GRM2: variants seen among roughly 807,000 people sequenced by gnomAD.
GRM2 encodes glutamate metabotropic receptor 2, also known as metabotropic glutamate receptor 2.
Under a neutral mutation model 60.4 loss-of-function variants are expected in GRM2, and 35 were observed. That is an observed-to-expected ratio of 0.58 (90% CI 0.44 to 0.77). The LOEUF (loss-of-function observed/expected upper bound fraction) is 0.77. Among genes scored for constraint, GRM2 ranks in the 30% least tolerant of loss-of-function variants. The probability of loss-of-function intolerance (pLI) is 0.00; values close to 1 mark genes in which losing one functional copy is unlikely to be tolerated. For missense variants in GRM2, 925 were observed against 1,199.5 expected (o/e 0.77, Z 3.38); for synonymous variants, 437 against 484.1 (o/e 0.90, Z 1.28).
intron 3 of GRM2, 187 bp from the exon 4 acceptor site, chr3:51,714,875 C>A: frequency 2.1e-6 from 1 of 475,416 alleles, no homozygotes. Flanking sequence ...AGGAGTAAGA[C>A]TTTGTTGTCA....
At position 51,712,407 on chromosome 3, in the gene GRM2, G is replaced by T; in HGVS notation, c.451-66G>T. ...TTGACACCAAGACCTGCTAGCTGTG[G>T]GGGATGCACCTGTCTCTAGTGTTTG... On this transcript the variant is annotated intron_variant, in intron 2 of 5. Transcript: ENST00000395052. The surrounding 1 kb of genome is among the most constrained non-coding windows in gnomAD (Gnocchi z 5.3). The T allele has an allele frequency of 9.7e-7, 1 of 1,034,202 alleles. No homozygotes were observed. Among genetic ancestry groups the T allele is most frequent in the Non-Finnish European group, 1.5e-6 (1 of 672,918 alleles). The allele number at this position is 1,034,202 out of a possible 1,614,324, so 64.1% of individuals were successfully genotyped here.
In GRM2 at chr3:51,708,957, C is replaced by T. The variant is rs201568367; in HGVS notation, c.-27C>T. On this transcript the variant is annotated 5_prime_UTR_variant, in exon 2 of 6. Transcript: ENST00000395052. ...CTCATCCCCTGGAGACCCAGGTCTGCGGGACCCATCCATCCCCTTTGGGGC... is the reference window on the plus strand; with the variant it reads ...CTCATCCCCTGGAGACCCAGGTCTGTGGGACCCATCCATCCCCTTTGGGGC... The T allele has an allele frequency of 1.6e-4, 244 of 1,516,380 alleles. No homozygotes were observed. The African/African-American group carries it at 2.7e-3, about 17-fold the overall frequency. 93.9% of individuals were successfully genotyped at this position (1,516,380 alleles called of 1,614,324 possible).
rs2107123174 is a variant in GRM2, at chr3:51,716,621, A to G, written c.2364+484A>G. ...TGGTTCCAACTGGCACTGTGTCTCAATGGGTCTCCCCAGCTCCAAGGGGCA... is the reference window on the plus strand; with the variant it reads ...TGGTTCCAACTGGCACTGTGTCTCAGTGGGTCTCCCCAGCTCCAAGGGGCA... On this transcript the variant is annotated intron_variant, in intron 4 of 5. Transcript: ENST00000395052. This position sits in a 1 kb window ranked among gnomAD's most constrained non-coding sequence, Gnocchi z 4.0. Among the ~76,000 whole-genome samples the G allele has an allele frequency of 6.6e-6, 1 of 152,312 alleles. No individual in the cohort carries two copies. The highest frequency in any genetic ancestry group is 2.4e-5 in the African/African-American group (1 of 41,556).
In GRM2 at chr3:51,713,535, C is replaced by T. The variant is rs1382724820; in HGVS notation, c.1288+225C>T. 10 of 524,606 alleles carry T rather than the reference C, an allele frequency of 1.9e-5. No individual in the cohort carries two copies. Among genetic ancestry groups the T allele is most frequent in the South Asian group, 5.3e-5 (2 of 37,814 alleles). 32.5% of individuals were successfully genotyped at this position (524,606 alleles called of 1,614,324 possible). ...AGAGAGTAGACCTCTGGCCTGGTCC[C>T]GCCATTTTGAGGGTCTCTGGCTCCT... is the stretch of plus-strand genomic sequence containing the variant. On this transcript the variant is annotated intron_variant, in intron 3 of 5. Coordinates refer to ENST00000395052, the MANE Select transcript of GRM2 (RefSeq NM_000839.5). This position sits in a 1 kb window ranked among gnomAD's most constrained non-coding sequence, Gnocchi z 4.8.
In GRM2 at chr3:51,717,658, G is replaced by A. The variant is rs200496822; in HGVS notation, c.2386G>A (p.Val796Met). The A allele has an allele frequency of 5.9e-5, 95 of 1,613,556 alleles. No homozygotes were observed. The East Asian group carries it at 8.9e-4, about 15-fold the overall frequency. Residue 796 changes from valine to methionine, a missense_variant, in exon 5 of 6, where the codon GTG becomes ATG. Coordinates refer to ENST00000395052, the MANE Select transcript of GRM2 (RefSeq NM_000839.5). The surrounding 1 kb of genome is among the most constrained non-coding windows in gnomAD (Gnocchi z 6.0). ...DYRVQTTTMC[V>M]SVSLSGSVVL... The stretch of plus-strand genomic sequence containing the variant: ...GCAGGTACAGACCACCACCATGTGC[G>A]TGTCAGTCAGCCTCAGCGGCTCCGT...
At chr3:51,714,897 G>C (rs1486023424) in intron 3 of GRM2, 165 bp from the exon 4 acceptor site, 1 of 474,752 alleles carries the variant, frequency 2.1e-6, no homozygotes, top group Non-Finnish European at 3.8e-6. Context: ...CTCTCATTTA[G>C]AAAAATGATT....
chr3:51,712,829 C>G lies in GRM2; in HGVS notation c.807C>G (p.Phe269Leu). ...CCAGTGCCCGCGTGGCTGTCCTGTTCACCCGTTCTGAGGATGCCCGGGAGC... is the reference window on the plus strand; with the variant it reads ...CCAGTGCCCGCGTGGCTGTCCTGTTGACCCGTTCTGAGGATGCCCGGGAGC... Reference protein sequence around the residue: ...QKPSARVAVLFTRSEDARELL... With the variant: ...QKPSARVAVLLTRSEDARELL... The change falls in exon 3 of 6, where the codon TTC becomes TTG. Residue 269 changes from phenylalanine (F) to leucine (L), a missense_variant. Coordinates refer to ENST00000395052, the MANE Select transcript of GRM2 (RefSeq NM_000839.5). This position sits in a 1 kb window ranked among gnomAD's most constrained non-coding sequence, Gnocchi z 5.3. 2 of 1,612,946 alleles carry G rather than the reference C, an allele frequency of 1.2e-6. No homozygotes were observed. The highest frequency in any genetic ancestry group is 1.7e-6 in the Non-Finnish European group (2 of 1,180,034).
In GRM2 at chr3:51,715,060, A is replaced by C. The variant is rs1447881397; in HGVS notation, c.1289-2A>C. The C allele has an allele frequency of 2.6e-6, 4 of 1,528,072 alleles. No homozygotes were observed. The highest frequency in any genetic ancestry group is 3.5e-6 in the Non-Finnish European group (4 of 1,127,316). 94.7% of individuals were successfully genotyped at this position (1,528,072 alleles called of 1,614,324 possible). ...TTCTCTTCCTTCCCTCCCCCATCCT[A>C]GCCCCCTTTCGCCCAGCTGACACCC... On this transcript the variant is annotated splice_acceptor_variant, in intron 3 of 5. Coordinates refer to ENST00000395052, the MANE Select transcript of GRM2 (RefSeq NM_000839.5). LOFTEE classifies it high-confidence loss of function. The surrounding 1 kb of genome is among the most constrained non-coding windows in gnomAD (Gnocchi z 9.0).
Position 51,715,650 on chromosome 3 carries a change from A to G in GRM2, c.1877A>G (p.Lys626Arg). Residue 626 changes from lysine to arginine, a missense_variant, in exon 4 of 6, where the codon AAG becomes AGG. Lys to Arg is a conservative substitution (Grantham distance 26). Coordinates refer to ENST00000395052, the MANE Select transcript of GRM2 (RefSeq NM_000839.5). The surrounding 1 kb of genome is among the most constrained non-coding windows in gnomAD (Gnocchi z 9.0). ...CYCMTFIFIA[K>R]PSTAVCTLRR... ...TGCATGACCTTCATCTTCATTGCCA[A>G]GCCATCCACGGCAGTGTGTACCTTA... The G allele has an allele frequency of 1.2e-6, 2 of 1,614,214 alleles. No homozygotes were observed. Among genetic ancestry groups the G allele is most frequent in the Non-Finnish European group, 1.7e-6 (2 of 1,180,036 alleles).
intron 2 of GRM2, among the ~76,000 whole-genome samples, chr3:51,711,972 A>G (rs190051629): frequency 1.3e-5 from 2 of 152,242 alleles, no homozygotes; most frequent in East Asian, 1.9e-4. Context: ...GCCTTGGCCT[A>G]TTAGGGCCAC....
rs1559695906 is a variant in GRM2, at chr3:51,715,048, CTCCCCCA to C, written c.1289-10_1289-4del. ...ACTAGTCCAACCTTCTCTTCCTTCC[CTCCCCCA>C]TCCTAGCCCCCTTTCGCCCAGCTGA... On this transcript the variant is annotated splice_polypyrimidine_tract_variant and splice_region_variant and intron_variant, in intron 3 of 5. Transcript: ENST00000395052. The surrounding 1 kb of genome is among the most constrained non-coding windows in gnomAD (Gnocchi z 9.0). The C allele has an allele frequency of 6.7e-7, 1 of 1,497,100 alleles. No homozygotes were observed. The highest frequency in any genetic ancestry group is 9.1e-7 in the Non-Finnish European group (1 of 1,104,438). 92.7% of individuals were successfully genotyped at this position (1,497,100 alleles called of 1,614,324 possible).
rs371818177 is a variant in GRM2, at chr3:51,713,338, C to T, written c.1288+28C>T. The stretch of plus-strand genomic sequence containing the variant: ...AATGGTGTTGGCCAGTGTCCATTGG[C>T]CTGCTGGCTGTCAGAGGATGAGGGG... On this transcript the variant is annotated intron_variant, in intron 3 of 5. Coordinates refer to ENST00000395052, the MANE Select transcript of GRM2 (RefSeq NM_000839.5). This position sits in a 1 kb window ranked among gnomAD's most constrained non-coding sequence, Gnocchi z 4.8. 391 of 1,451,710 alleles carry T rather than the reference C, an allele frequency of 2.7e-4. 3 individuals carry two copies. In the South Asian group the frequency reaches 3.1e-3, roughly 11 times the overall value. 89.9% of individuals were successfully genotyped at this position (1,451,710 alleles called of 1,614,324 possible).
chr3:51,712,637 C>T lies in GRM2; in HGVS notation c.615C>T (p.Thr205=), dbSNP rs753817671. The T allele has an allele frequency of 5.0e-6, 8 of 1,614,088 alleles. No homozygotes were observed. The highest frequency in any genetic ancestry group is 6.8e-6 in the Non-Finnish European group (8 of 1,180,012). The change falls in exon 3 of 6, where the codon ACC becomes ACT. Residue 205 remains threonine, a synonymous_variant. Coordinates refer to ENST00000395052, the MANE Select transcript of GRM2 (RefSeq NM_000839.5). This position sits in a 1 kb window ranked among gnomAD's most constrained non-coding sequence, Gnocchi z 5.3. The stretch of plus-strand genomic sequence containing the variant: ...AGATTCTCCGCTTCTTCAACTGGAC[C>T]TATGTGTCCACTGTGGCGTCTGAGG... ...MAEILRFFNW[T]YVSTVASEGD...
At chr3:51,710,108 G>A (rs979424311) in intron 2 of GRM2, among the ~76,000 whole-genome samples, 1 of 151,742 alleles carries the variant, frequency 6.6e-6, no homozygotes, top group Non-Finnish European at 1.5e-5. Flanking sequence ...TCCTGCCTCA[G>A]CCTCCCAAGT....
chr3:51,707,399 C>G (rs918079945), intron 1 of GRM2: 2 of 153,406 alleles, frequency 1.3e-5, no homozygotes, highest in African/African-American at 4.8e-5. Context: ...GCTCCAGCGT[C>G]CTCTGGTCCT....
Position 51,713,846 on chromosome 3 carries a change from TC to T in GRM2, c.1288+538del, listed in dbSNP as rs1226485581. On this transcript the variant is annotated intron_variant, in intron 3 of 5. Coordinates refer to ENST00000395052, the MANE Select transcript of GRM2 (RefSeq NM_000839.5). This position sits in a 1 kb window ranked among gnomAD's most constrained non-coding sequence, Gnocchi z 4.8. ...TCACAGGCACAATACAGCCTCCAACTCCTGGGCTCAAGCGATCCTTCTGCCT... is the reference window on the plus strand; with the variant it reads ...TCACAGGCACAATACAGCCTCCAACTCTGGGCTCAAGCGATCCTTCTGCCT... The T allele has an allele frequency of 2.0e-5, 7 of 357,754 alleles. No individual in the cohort carries two copies. The Admixed American group carries it at 2.2e-4, about 11-fold the overall frequency. The allele number at this position is 357,754 out of a possible 1,614,324, so 22.2% of individuals were successfully genotyped here. A position where few individuals can be genotyped will look rare whatever the true frequency, so the allele number is the denominator to read the frequency against.
chr3:51,717,806 G>A lies in GRM2; in HGVS notation c.2534G>A (p.Ser845Asn). The stretch of plus-strand genomic sequence containing the variant: ...AGTGCTGCTGCCAGGGCCAGCTCCA[G>A]CCTTGGCCAAGGTCAGTGTCCTAAG... ...FGSAAARASSSLGQGSGSQFV... is the reference protein window; with the variant it reads ...FGSAAARASSNLGQGSGSQFV... The change falls in exon 5 of 6, where the codon AGC becomes AAC. Residue 845 changes from serine (S) to asparagine (N), a missense_variant. By Grantham distance (46) the Ser-to-Asn change is conservative. Transcript: ENST00000395052. The surrounding 1 kb of genome is among the most constrained non-coding windows in gnomAD (Gnocchi z 6.0). The A allele has an allele frequency of 6.2e-7, 1 of 1,613,892 alleles. No individual in the cohort carries two copies.
In GRM2 at chr3:51,715,519, C is replaced by T; in HGVS notation, c.1746C>T (p.Thr582=). The change falls in exon 4 of 6, where the codon ACC becomes ACT. Residue 582 remains threonine, a synonymous_variant. Transcript: ENST00000395052. This position sits in a 1 kb window ranked among gnomAD's most constrained non-coding sequence, Gnocchi z 9.0. The stretch of plus-strand genomic sequence containing the variant: ...TCGCCTGCCTCGGTGCCCTGGCCAC[C>T]CTCTTTGTGCTGGGTGTCTTTGTGC... ...VTIACLGALA[T]LFVLGVFVRH... The T allele has an allele frequency of 1.2e-6, 2 of 1,613,484 alleles. No homozygotes were observed. Among genetic ancestry groups the T allele is most frequent in the Non-Finnish European group, 1.7e-6 (2 of 1,180,028 alleles).
intron 2 of GRM2, among the ~76,000 whole-genome samples, chr3:51,710,761 C>T (rs1703685034): frequency 6.6e-6 from 1 of 152,254 alleles, no homozygotes; most frequent in African/African-American, 2.4e-5. Context: ...CTCTGTGGCT[C>T]AGCTTCAGCA....
Sources: allele counts gnomAD v4.1 joint callset (sites outside exome capture counted in the v4.1 genomes callset), GRCh38; gene constraint gnomAD v4.1.1; non-coding constraint Gnocchi (gnomAD v3.1); transcripts MANE v1.5; gene names NCBI Gene and HGNC (gene_info 2026-07-23, HGNC 2026-07-21).